Variants in SAMD4A observed in about 807,000 individuals in gnomAD.
SAMD4A encodes sterile alpha motif domain containing 4A, also known as protein Smaug homolog 1.
In SAMD4A, 33 loss-of-function variants were observed where a neutral mutation model predicts 81.3. That is an observed-to-expected ratio of 0.41 (90% CI 0.31 to 0.54). The LOEUF is 0.54. Among genes scored for constraint, SAMD4A ranks in the 20% least tolerant of loss-of-function variants. The pLI, the probability that SAMD4A is intolerant of heterozygous loss-of-function variation, is 0.37. For synonymous variants in SAMD4A, 389 were observed against 382.1 expected (o/e 1.02, Z -0.21); for missense variants, 854 against 951.1 (o/e 0.90, Z 1.34).
chr14:54,663,627 CA>C (rs537641689), intron 2 of SAMD4A, among the ~76,000 whole-genome samples: 52 of 152,274 alleles, frequency 3.4e-4, no homozygotes, highest in Non-Finnish European at 7.1e-4. Flanking sequence ...ACTGAGCAAA[CA>C]AAATTACTCT....
chr14:54,632,330 T>C (rs141521385), intron 2 of SAMD4A, among the ~76,000 whole-genome samples: 9 of 152,368 alleles, frequency 5.9e-5, no homozygotes, highest in African/African-American at 2.2e-4. Flanking sequence ...GAATAGTCAG[T>C]ATGTGCATGT....
rs1555355466 is a variant in SAMD4A at position 54,790,672 on chromosome 14, T to TTTG, written c.*1729_*1730insTGT. ...TTACATGGATGAGTCGGGTGCCTGG[T>TTTG]TGTGTGTGTGTGTGTGTGTGTGTGT... On this transcript the variant is annotated 3_prime_UTR_variant, in exon 13 of 13. Transcript: ENST00000554335. 1 of 141,930 alleles carries TTTG rather than the reference T, an allele frequency of 7.0e-6. No homozygotes were observed. Among genetic ancestry groups the TTTG allele is most frequent in the East Asian group, 2.0e-4 (1 of 4,906 alleles). The allele number at this position is 141,930 out of a possible 1,614,324, so 8.8% of individuals were successfully genotyped here.
intron 2 of SAMD4A, among the ~76,000 whole-genome samples, chr14:54,596,451 G>C (rs539230300): frequency 1.3e-5 from 2 of 152,276 alleles, no homozygotes; most frequent in South Asian, 4.2e-4. Context: ...CAGGCATGGT[G>C]GTGCGTGCCT....
intron 2 of SAMD4A, among the ~76,000 whole-genome samples, chr14:54,626,073 CGCGAGT>C (rs1566554603): frequency 1.8e-5 from 2 of 111,464 alleles, no homozygotes; most frequent in African/African-American, 7.6e-5. Context: ...CGCGCGCGCG[CGCGAGT>C]GCGCACATGT....
chr14:54,727,611 G>A (rs866110488), intron 3 of SAMD4A, among the ~76,000 whole-genome samples: 4 of 152,250 alleles, frequency 2.6e-5, no homozygotes, highest in South Asian at 4.1e-4. Flanking sequence ...AGAAAGCAGC[G>A]CTTCACTTTG....
intron 7 of SAMD4A, among the ~76,000 whole-genome samples, chr14:54,763,100 C>T (rs2038446486): frequency 6.6e-6 from 1 of 151,952 alleles, no homozygotes; most frequent in Admixed American, 6.6e-5. Flanking sequence ...CGTGATCTGC[C>T]CGCCTCAGCC....
In SAMD4A at chr14:54,751,427, A is replaced by G. The variant is rs762515869; in HGVS notation, c.1090-24A>G. 12 of 1,375,618 alleles carry G rather than the reference A, an allele frequency of 8.7e-6. No individual in the cohort carries two copies. The Admixed American group carries it at 2.3e-4, about 26-fold the overall frequency. The allele number at this position is 1,375,618 out of a possible 1,614,324, so 85.2% of individuals were successfully genotyped here. On this transcript the variant is annotated intron_variant, in intron 5 of 12. Coordinates refer to ENST00000554335, the MANE Select transcript of SAMD4A (RefSeq NM_015589.6). ...AATATGTTTTTAAATATACATTTAA[A>G]TGTAACTTGTTATTTAATTACAGAA... is the stretch of plus-strand genomic sequence containing the variant.
chr14:54,623,158 G>A (rs1416308173), intron 2 of SAMD4A, among the ~76,000 whole-genome samples: 2 of 152,044 alleles, frequency 1.3e-5, no homozygotes, highest in East Asian at 1.9e-4. Context: ...CCCACATCAG[G>A]CCAGCCCTCT....
chr14:54,657,373 G>A (rs182133066), intron 2 of SAMD4A, among the ~76,000 whole-genome samples: 2 of 152,226 alleles, frequency 1.3e-5, no homozygotes, highest in East Asian at 3.9e-4. Flanking sequence ...TCTCTTCAAG[G>A]ACAGGTGTTT....
chr14:54,727,818 G>A (rs747751084), intron 3 of SAMD4A, among the ~76,000 whole-genome samples: 8 of 152,050 alleles, frequency 5.3e-5, no homozygotes, highest in Admixed American at 1.3e-4. Context: ...GAACACGCAC[G>A]CGCACACACA....
intron 4 of SAMD4A, among the ~76,000 whole-genome samples, chr14:54,746,794 T>C (rs1361451374): frequency 6.6e-6 from 1 of 152,230 alleles, no homozygotes; most frequent in Non-Finnish European, 1.5e-5. Context: ...TTACCCAGGC[T>C]TCTCTGAATC....
intron 2 of SAMD4A, among the ~76,000 whole-genome samples, chr14:54,593,642 A>G (rs1435020971): frequency 6.6e-6 from 1 of 152,138 alleles, no homozygotes; most frequent in African/African-American, 2.4e-5. Flanking sequence ...CTTAATTTTG[A>G]TTGAAAAATG....
At chr14:54,779,089 C>T (rs1395022301) in intron 11 of SAMD4A, among the ~76,000 whole-genome samples, 1 of 151,818 alleles carries the variant, frequency 6.6e-6, no homozygotes, top group Non-Finnish European at 1.5e-5. Context: ...GGGTCCTCAT[C>T]CTGGATTCAG....
intron 2 of SAMD4A, among the ~76,000 whole-genome samples, chr14:54,644,787 T>G (rs1052577798): frequency 2.0e-5 from 3 of 152,240 alleles, no homozygotes; most frequent in Non-Finnish European, 4.4e-5. Context: ...TGATATGATT[T>G]TTTTAAAAAG....
At chr14:54,753,188 G>A (rs1262971922) in intron 6 of SAMD4A, among the ~76,000 whole-genome samples, 1 of 152,210 alleles carries the variant, frequency 6.6e-6, no homozygotes, top group Non-Finnish European at 1.5e-5. Flanking sequence ...TGTTGGGCTG[G>A]GGGACGGTCA....
rs529853065 is a variant in SAMD4A at position 54,721,101 on chromosome 14, C to T, written c.716-15923C>T. Among the ~76,000 whole-genome samples, 14 of 152,288 alleles carry T rather than the reference C, an allele frequency of 9.2e-5. No homozygotes were observed. In the East Asian group the frequency reaches 2.7e-3, roughly 29 times the overall value. ...TTTCAGAAGGAACAGAGATAACATT[C>T]GCATAAATTGGCAGTCTATTTTAAT... On this transcript the variant is annotated intron_variant, in intron 3 of 12. Coordinates refer to ENST00000554335, the MANE Select transcript of SAMD4A (RefSeq NM_015589.6).
intron 7 of SAMD4A, among the ~76,000 whole-genome samples, chr14:54,763,242 C>T (rs574783517): frequency 3.6e-4 from 54 of 151,426 alleles, no homozygotes; most frequent in African/African-American, 1.3e-3. Flanking sequence ...TAGCCGGACA[C>T]GGTGGCTCAT....
chr14:54,675,753 G>A (rs1398789780), intron 2 of SAMD4A, among the ~76,000 whole-genome samples: 1 of 152,216 alleles, frequency 6.6e-6, no homozygotes, highest in African/African-American at 2.4e-5. Context: ...TGAGGCGAGA[G>A]TCACCCTGCA....
At chr14:54,579,554 A>G (rs750632440) in intron 2 of SAMD4A, among the ~76,000 whole-genome samples, 5 of 152,256 alleles carry the variant, frequency 3.3e-5, no homozygotes, top group Non-Finnish European at 4.4e-5. Context: ...TATATGTTTC[A>G]TCTTGGAAAA....
Sources: gnomAD v4.1 joint callset for allele counts (sites outside exome capture counted in the v4.1 genomes callset) on GRCh38, gnomAD v4.1.1 for gene constraint, MANE v1.5 for transcripts, NCBI Gene and HGNC (gene_info 2026-07-23, HGNC 2026-07-21) for gene names.